Variants in C18orf63 observed in about 807,000 individuals in gnomAD.
The protein encoded by C18orf63 is uncharacterized protein C18orf63.
C18orf63 carries 50 observed loss-of-function variants against 75.3 expected under a neutral mutation model. The ratio of observed to expected loss-of-function variants is 0.66; its 90% CI spans 0.53 to 0.84. The LOEUF is 0.84. Among genes scored for constraint, C18orf63 ranks in the 40% least tolerant of loss-of-function variants. The probability of loss-of-function intolerance (pLI) is 0.00; values close to 1 mark genes in which losing one functional copy is unlikely to be tolerated. For missense variants in C18orf63, 732 were observed against 800.2 expected, an observed-to-expected ratio of 0.91 and a Z score of 1.03; for synonymous variants, 232 against 267.6, an observed-to-expected ratio of 0.87 and a Z score of 1.30.
chr18:74,322,213 G>A (rs1212566545), intron 3 of C18orf63, among the ~76,000 whole-genome samples: 1 of 152,122 alleles, frequency 6.6e-6, no homozygotes, highest in Non-Finnish European at 1.5e-5. Context: ...CAAATAGTCT[G>A]GGAGGAAACC....
At chr18:74,337,891 TAGG>T (rs1984418201) in intron 7 of C18orf63, among the ~76,000 whole-genome samples, 1 of 152,134 alleles carries the variant, frequency 6.6e-6, no homozygotes, top group South Asian at 2.1e-4. Context: ...ACCTTATTGG[TAGG>T]AGTCCAGGCA....
chr18:74,331,676 C>T (rs535040003), intron 7 of C18orf63, among the ~76,000 whole-genome samples: 5 of 152,138 alleles, frequency 3.3e-5, no homozygotes, highest in African/African-American at 1.2e-4. Flanking sequence ...CTTATCCCCA[C>T]CCACAGAATT....
chr18:74,359,042 G>T lies in C18orf63; in HGVS notation c.*2595G>T, dbSNP rs957842364. The stretch of plus-strand genomic sequence containing the variant: ...TATGCTGAAACTGCTAATATATTGG[G>T]TATTTATTGATACTTAGGAATAGTC... On this transcript the variant is annotated 3_prime_UTR_variant, in exon 14 of 14. Coordinates refer to ENST00000579455, the MANE Select transcript of C18orf63 (RefSeq NM_001174123.2). 6.6e-6 allele frequency: 1 copy of T among 152,012 alleles called. No individual in the cohort carries two copies. Among genetic ancestry groups the T allele is most frequent in the South Asian group, 2.1e-4 (1 of 4,822 alleles). 9.4% of individuals were successfully genotyped at this position (152,012 alleles called of 1,614,324 possible).
intron 13 of C18orf63, among the ~76,000 whole-genome samples, chr18:74,355,617 A>G (rs1984751625): frequency 6.6e-6 from 1 of 151,974 alleles, no homozygotes; most frequent in African/African-American, 2.4e-5. Context: ...CCCTGTCTCC[A>G]CAAAAAATAT....
At chr18:74,343,411 A>G (rs1984520709) in intron 10 of C18orf63, 108 bp from the exon 11 acceptor site, 1 of 633,820 alleles carries the variant, frequency 1.6e-6, no homozygotes, top group Non-Finnish European at 2.6e-6. Flanking sequence ...GTTAAGATAT[A>G]TTTATGTGTG....
intron 2 of C18orf63, 112 bp from the exon 3 acceptor site, chr18:74,320,401 T>A: frequency 1.5e-6 from 1 of 653,958 alleles, no homozygotes; most frequent in Non-Finnish European, 2.5e-6. Flanking sequence ...AGCCAATCAC[T>A]TCCCACCAGG....
Position 74,342,308 on chromosome 18 carries a change from T to G in C18orf63, c.776T>G (p.Leu259Arg). 6.5e-7 allele frequency: 1 copy of G among 1,529,794 alleles called. No homozygotes were observed. Among genetic ancestry groups the G allele is most frequent in the Non-Finnish European group, 8.8e-7 (1 of 1,142,494 alleles). 94.8% of individuals were successfully genotyped at this position (1,529,794 alleles called of 1,614,324 possible). The change falls in exon 10 of 14, where the codon CTC (leucine) becomes CGC (arginine). Residue 259 changes from leucine to arginine, a missense_variant. By Grantham distance (102) the Leu-to-Arg change is moderately radical. Transcript: ENST00000579455. ...KIYCNIYFKM[L>R]GERTFTYPLS... Reference sequence around the variant, plus strand: ...TACTGCAACATCTATTTCAAAATGCTCGGAGAAAGGACCTTCACATATCCT... The same window carrying G: ...TACTGCAACATCTATTTCAAAATGCGCGGAGAAAGGACCTTCACATATCCT...
At chr18:74,341,571 C>T (rs183958873) in intron 8 of C18orf63, among the ~76,000 whole-genome samples, 192 of 151,982 alleles carry the variant, frequency 1.3e-3, no homozygotes, top group Admixed American at 2.4e-3. Flanking sequence ...TCCCAGCTGG[C>T]GGCTAAGGCA....
chr18:74,327,378 C>T (rs1400524534), intron 4 of C18orf63, among the ~76,000 whole-genome samples: 3 of 152,206 alleles, frequency 2.0e-5, no homozygotes, highest in Non-Finnish European at 4.4e-5. Flanking sequence ...GATAAATGCA[C>T]ACTTACACAT....
chr18:74,316,395 G>A (rs1214263304), intron 1 of C18orf63, among the ~76,000 whole-genome samples: 2 of 152,162 alleles, frequency 1.3e-5, no homozygotes, highest in Non-Finnish European at 2.9e-5. Context: ...GCCGGAAGAG[G>A]GGTGGGCGCT....
intron 11 of C18orf63, among the ~76,000 whole-genome samples, chr18:74,344,290 T>C (rs1025582838): frequency 3.3e-5 from 5 of 152,166 alleles, no homozygotes; most frequent in Non-Finnish European, 7.4e-5. Flanking sequence ...AGACTTAACT[T>C]GAAATCAGAT....
chr18:74,327,358 T>C (rs1984225929), intron 4 of C18orf63, among the ~76,000 whole-genome samples: 1 of 152,204 alleles, frequency 6.6e-6, no homozygotes. Flanking sequence ...GTTAATCACT[T>C]ATGTCTTTAG....
At chr18:74,340,151 C>T (rs528500101) in intron 8 of C18orf63, among the ~76,000 whole-genome samples, 1 of 119,150 alleles carries the variant, frequency 8.4e-6, no homozygotes, top group Non-Finnish European at 2.0e-5. Flanking sequence ...ACTCAAATAA[C>T]TCAATAGCAA....
chr18:74,353,196 A>G (rs1306446535), intron 11 of C18orf63, 50 bp from the exon 12 acceptor site: 1 of 1,120,538 alleles, frequency 8.9e-7, no homozygotes, highest in Admixed American at 2.6e-5. Context: ...CTTTTCCATT[A>G]AGGACATTAT....
intron 11 of C18orf63, among the ~76,000 whole-genome samples, chr18:74,347,970 C>T (rs1049602437): frequency 2.6e-5 from 4 of 152,106 alleles, no homozygotes; most frequent in African/African-American, 7.2e-5. Flanking sequence ...TGTACATTCT[C>T]TCTCATTTCA....
chr18:74,329,146 TG>T, intron 6 of C18orf63, 110 bp downstream of exon 6: 1 of 665,874 alleles, frequency 1.5e-6, no homozygotes, highest in Non-Finnish European at 2.6e-6. Flanking sequence ...CCCAACGGTT[TG>T]GGAGGCCAAG....
At chr18:74,334,114 C>T (rs1984353900) in intron 7 of C18orf63, among the ~76,000 whole-genome samples, 2 of 151,900 alleles carry the variant, frequency 1.3e-5, no homozygotes, top group African/African-American at 4.8e-5. Flanking sequence ...ATTTAATTTT[C>T]CTTTTATTAA....
intron 8 of C18orf63, among the ~76,000 whole-genome samples, chr18:74,339,696 T>C (rs1216665038): frequency 6.6e-6 from 1 of 152,018 alleles, no homozygotes; most frequent in Non-Finnish European, 1.5e-5. Context: ...AAGGAAGAAG[T>C]TAAATTGTTG....
intron 7 of C18orf63, among the ~76,000 whole-genome samples, chr18:74,337,723 A>T (rs1984415426): frequency 6.6e-6 from 1 of 152,068 alleles, no homozygotes; most frequent in African/African-American, 2.4e-5. Flanking sequence ...CTTTTACCTC[A>T]CAACGTAACT....
Sources: gnomAD v4.1 joint callset for allele counts (sites outside exome capture counted in the v4.1 genomes callset) on GRCh38, gnomAD v4.1.1 for gene constraint, MANE v1.5 for transcripts, NCBI Gene and HGNC (gene_info 2026-07-23, HGNC 2026-07-21) for gene names.